PRDM15: variants seen among roughly 807,000 people sequenced by gnomAD.
The protein encoded by PRDM15 is PR domain zinc finger protein 15.
A neutral mutation model predicts 128.6 loss-of-function variants in PRDM15; 64 were observed. The observed-to-expected ratio is 0.50, with a 90% CI of 0.41 to 0.61. The LOEUF is 0.61. PRDM15 is among the 20% of genes least tolerant of loss of function. PRDM15 has a pLI of 0.00. For synonymous variants in PRDM15, 615 were observed against 621.8 expected (o/e 0.99, Z 0.16); for missense variants, 1,242 against 1,569.1 (o/e 0.79, Z 3.52).
chr21:41,805,988 T>TCACCACCACCAC (rs771551606), intron 21 of PRDM15, among the ~76,000 whole-genome samples: 2 of 42,874 alleles, frequency 4.7e-5, no homozygotes, highest in African/African-American at 9.1e-5. Flanking sequence ...ATCACCACTA[T>TCACCACCACCAC]CACCACCACC....
At chr21:41,806,433 C>A (rs796832171) in intron 21 of PRDM15, among the ~76,000 whole-genome samples, 1 of 46,020 alleles carries the variant, frequency 2.2e-5, no homozygotes, top group Non-Finnish European at 4.4e-5. Context: ...ACCATCACCA[C>A]CACCACCATC....
chr21:41,809,839 C>G (rs1434404348), intron 21 of PRDM15, among the ~76,000 whole-genome samples: 1 of 152,182 alleles, frequency 6.6e-6, no homozygotes, highest in African/African-American at 2.4e-5. Context: ...CGTGGAGCCC[C>G]CATTTTGCAC....
At chr21:41,812,594 AC>A (rs2061900337) in intron 19 of PRDM15, 1 of 152,154 alleles carries the variant, frequency 6.6e-6, no homozygotes, top group African/African-American at 2.4e-5. Context: ...GGGAAAGAAA[AC>A]CCAAGCCTGG....
intron 1 of PRDM15, among the ~76,000 whole-genome samples, chr21:41,866,339 T>C (rs1365719579): frequency 1.3e-5 from 2 of 152,260 alleles, no homozygotes; most frequent in Non-Finnish European, 2.9e-5. Flanking sequence ...TTTTATATTA[T>C]TGTTTTCGAT....
rs2061372417 is a variant in PRDM15, at chr21:41,799,650, TGA to T, written c.*1588_*1589del. ...AAGTCTGCTGTTTGGAGTGAAGTGC[TGA>T]GAAAGTTGCGTTTTGAAAAACACAA... is the stretch of plus-strand genomic sequence containing the variant. On this transcript the variant is annotated 3_prime_UTR_variant, in exon 24 of 24. Coordinates refer to ENST00000398548, the MANE Select transcript of PRDM15 (RefSeq NM_001040424.3). 3 of 152,326 alleles carry T rather than the reference TGA, an allele frequency of 2.0e-5. No homozygotes were observed. The highest frequency in any genetic ancestry group is 2.0e-4 in the Admixed American group (3 of 15,282). The allele number at this position is 152,326 out of a possible 1,614,324, so 9.4% of individuals were successfully genotyped here. A position where few individuals can be genotyped will look rare whatever the true frequency, so the allele number is the denominator to read the frequency against.
intron 5 of PRDM15, among the ~76,000 whole-genome samples, chr21:41,851,910 A>T (rs1416630314): frequency 1.3e-5 from 2 of 152,128 alleles, no homozygotes; most frequent in African/African-American, 4.8e-5. Flanking sequence ...CCAATTAAAA[A>T]CCTTGTTTAG....
intron 1 of PRDM15, chr21:41,878,908 G>C (rs2064529649): frequency 1.0e-6 from 1 of 954,140 alleles, no homozygotes; most frequent in Admixed American, 6.5e-5. Flanking sequence ...CCGCGGCCCC[G>C]CGCTGGGCCT....
At chr21:41,817,780 C>T (rs901355827) in intron 18 of PRDM15, among the ~76,000 whole-genome samples, 1 of 152,112 alleles carries the variant, frequency 6.6e-6, no homozygotes, top group Non-Finnish European at 1.5e-5. Flanking sequence ...GCAACTGTTG[C>T]GTGATAGCAC....
chr21:41,872,372 T>C (rs907978916), intron 1 of PRDM15, among the ~76,000 whole-genome samples: 4 of 152,234 alleles, frequency 2.6e-5, no homozygotes, highest in African/African-American at 9.6e-5. Flanking sequence ...TTTCCCAGTA[T>C]GATTATAGTT....
chr21:41,874,476 CA>C (rs1381728191), intron 1 of PRDM15, among the ~76,000 whole-genome samples: 1 of 145,156 alleles, frequency 6.9e-6, no homozygotes. Context: ...CAATAAAAGA[CA>C]AACCTACTAT....
chr21:41,828,014 G>A lies in PRDM15; in HGVS notation c.1534+152C>T, dbSNP rs550807419. 2.1e-4 allele frequency: 149 copies of A among 713,946 alleles called. 2 individuals carry two copies. In the South Asian group the frequency reaches 2.5e-3, roughly 12 times the overall value. The allele number at this position is 713,946 out of a possible 1,614,324, so 44.2% of individuals were successfully genotyped here. ...CTCCTGAGACAGGTTCTCAGAAGAG[G>A]ATGAGCCCATCGGATGGCGGGCGTT... On this transcript the variant is annotated intron_variant, in intron 12 of 23. Transcript: ENST00000398548. The surrounding 1 kb of genome is among the most constrained non-coding windows in gnomAD (Gnocchi z 5.7).
At chr21:41,802,607 T>C (rs1403686546) in intron 23 of PRDM15, 105 bp downstream of exon 23, 2 of 932,252 alleles carry the variant, frequency 2.1e-6, no homozygotes, top group Non-Finnish European at 3.5e-6. Context: ...GAAGTCCACA[T>C]GTACACTGTG....
At chr21:41,869,229 C>T (rs1278775361) in intron 1 of PRDM15, among the ~76,000 whole-genome samples, 1 of 152,118 alleles carries the variant, frequency 6.6e-6, no homozygotes, top group Non-Finnish European at 1.5e-5. Flanking sequence ...GTGATTACCA[C>T]ATCTAAGACC....
At chr21:41,861,945 C>G in intron 1 of PRDM15, 1 of 1,614,018 alleles carries the variant, frequency 6.2e-7, no homozygotes. Context: ...AAAGGTATCT[C>G]GTGCGGCTCT....
chr21:41,847,238 T>C (rs1380861788), intron 5 of PRDM15, 47 bp from the exon 6 acceptor site: 3 of 1,329,596 alleles, frequency 2.3e-6, no homozygotes, highest in Non-Finnish European at 3.1e-6. Context: ...AAGCAGCTCA[T>C]ATGTCTCCAT....
chr21:41,868,498 G>C (rs2064093891), intron 1 of PRDM15, among the ~76,000 whole-genome samples: 1 of 151,992 alleles, frequency 6.6e-6, no homozygotes, highest in East Asian at 1.9e-4. Context: ...CCAGCATCTG[G>C]TGGGTCACTA....
Position 41,828,389 on chromosome 21 carries a change from A to T in PRDM15, c.1367-56T>A, listed in dbSNP as rs542250050. 2.5e-6 allele frequency: 4 copies of T among 1,586,866 alleles called. No homozygotes were observed. In the African/African-American group the frequency reaches 5.4e-5, roughly 21 times the overall value. ...TTTTGAGGTAAATAACATCTCACGC[A>T]GGCACGCACGTGTGGCCTGAACGTC... On this transcript the variant is annotated intron_variant, in intron 11 of 23. Transcript: ENST00000398548. The surrounding 1 kb of genome is among the most constrained non-coding windows in gnomAD (Gnocchi z 5.7).
Position 41,866,325 on chromosome 21 carries a change from A to G in PRDM15, c.-9-5953T>C, listed in dbSNP as rs190301197. Among the ~76,000 whole-genome samples, 171 of 152,374 alleles carry G rather than the reference A, an allele frequency of 1.1e-3. 1 individual carries two copies. The highest frequency in any genetic ancestry group is 3.7e-3 in the African/African-American group (154 of 41,598). ...CATGTTCCATATAAAAAGGGATTTT[A>G]AACTTTTATATTATTGTTTTCGATA... On this transcript the variant is annotated intron_variant, in intron 1 of 23. Coordinates refer to ENST00000398548, the MANE Select transcript of PRDM15 (RefSeq NM_001040424.3).
In PRDM15 at chr21:41,801,558, C is replaced by T. The variant is rs1379979522; in HGVS notation, c.3108G>A (p.Leu1036=). 1.2e-6 allele frequency: 2 copies of T among 1,614,036 alleles called. No individual in the cohort carries two copies. The highest frequency in any genetic ancestry group is 2.7e-5 in the African/African-American group (2 of 74,900). ...AGGTCACGGTCAGGATTGAGTTGTC[C>T]AGCTGTAACTGGCGTTCAGGGGTGG... ...HLTTPERQLQ[L]DNSILTVTFD... is the part of the protein sequence containing the mutation. The change falls in exon 24 of 24, where the codon CTG becomes CTA. Residue 1036 remains leucine, a synonymous_variant. Coordinates refer to ENST00000398548, the MANE Select transcript of PRDM15 (RefSeq NM_001040424.3).
Sources: allele counts gnomAD v4.1 joint callset (sites outside exome capture counted in the v4.1 genomes callset), GRCh38; gene constraint gnomAD v4.1.1; non-coding constraint Gnocchi (gnomAD v3.1); transcripts MANE v1.5; gene names NCBI Gene and HGNC (gene_info 2026-07-23, HGNC 2026-07-21).